Variants in ZFYVE28 observed in about 807,000 individuals in gnomAD.
ZFYVE28 encodes the protein zinc finger FYVE-type containing 28.
A neutral mutation model predicts 82.1 loss-of-function variants in ZFYVE28; 40 were observed. That is an observed-to-expected ratio of 0.49 (90% CI 0.38 to 0.63). The LOEUF is 0.63. Ranked by LOEUF, ZFYVE28 falls within the 30% of genes least tolerant of loss-of-function variation. The pLI, the probability that ZFYVE28 is intolerant of heterozygous loss-of-function variation, is 0.00. For synonymous variants in ZFYVE28, 612 were observed against 546.1 expected, an observed-to-expected ratio of 1.12 and a Z score of -1.68; for missense variants, 1,321 against 1,242.1, an observed-to-expected ratio of 1.06 and a Z score of -0.96.
intron 8 of ZFYVE28, among the ~76,000 whole-genome samples, chr4:2,296,069 G>T (rs1026979616): frequency 6.6e-6 from 1 of 152,208 alleles, no homozygotes; most frequent in East Asian, 1.9e-4. Flanking sequence ...AGGACATGTG[G>T]GGGACCTGCG....
At chr4:2,302,100 G>A (rs939817714) in intron 8 of ZFYVE28, among the ~76,000 whole-genome samples, 1 of 152,228 alleles carries the variant, frequency 6.6e-6, no homozygotes, top group Non-Finnish European at 1.5e-5. Context: ...AGGTGGGGGC[G>A]AGTGCTTGTA....
rs113758703 is a variant in ZFYVE28 at position 2,355,353 on chromosome 4, T to G, written c.40-1280A>C. Among the ~76,000 whole-genome samples, 61 of 135,884 alleles carry G rather than the reference T, an allele frequency of 4.5e-4. 3 individuals are homozygous for G. Among genetic ancestry groups the G allele is most frequent in the African/African-American group, 1.7e-3 (59 of 34,468 alleles). 89.1% of individuals were successfully genotyped at this position (135,884 alleles called of 152,430 possible). A position where few individuals can be genotyped will look rare whatever the true frequency, so the allele number is the denominator to read the frequency against. ...CTGGAGTGCAGTGGCGTGATCTTAG[T>G]TGACTGCAACCTCTGCCTCCTGGGT... On this transcript the variant is annotated intron_variant, in intron 1 of 12. Transcript: ENST00000290974.
At chr4:2,337,547 C>T (rs1278356743) in intron 4 of ZFYVE28, 51 bp from the exon 5 acceptor site, 2 of 1,477,518 alleles carry the variant, frequency 1.4e-6, no homozygotes, top group Non-Finnish European at 9.2e-7. Flanking sequence ...TGGCGGGGCC[C>T]CTCCAAAACA....
chr4:2,386,777 G>T (rs963976), intron 1 of ZFYVE28, among the ~76,000 whole-genome samples: 95,056 of 152,110 alleles, frequency 0.62, 30,552 homozygotes, highest in East Asian at 0.73. Flanking sequence ...CCAGTCTCAG[G>T]TATTTCATTA....
chr4:2,273,846 G>T (rs1029102756), intron 9 of ZFYVE28, among the ~76,000 whole-genome samples: 1 of 151,878 alleles, frequency 6.6e-6, no homozygotes, highest in African/African-American at 2.4e-5. Flanking sequence ...GGAGGAAAAC[G>T]CCTCCCACCC....
chr4:2,389,672 G>A (rs1314779614), intron 1 of ZFYVE28, among the ~76,000 whole-genome samples: 1 of 152,206 alleles, frequency 6.6e-6, no homozygotes, highest in East Asian at 1.9e-4. Context: ...CGGCTCCTCT[G>A]TCTTTCTCAG....
chr4:2,377,072 A>G (rs1728225101), intron 1 of ZFYVE28, among the ~76,000 whole-genome samples: 1 of 149,998 alleles, frequency 6.7e-6, no homozygotes, highest in South Asian at 2.1e-4. Flanking sequence ...CCCAGGCTGG[A>G]GTGCAGTGGC....
At chr4:2,379,880 C>T (rs1300875959) in intron 1 of ZFYVE28, among the ~76,000 whole-genome samples, 2 of 152,040 alleles carry the variant, frequency 1.3e-5, no homozygotes, top group East Asian at 1.9e-4. Flanking sequence ...TTCCATCTCC[C>T]GGGTTCAAGC....
chr4:2,339,659 C>T lies in ZFYVE28; in HGVS notation c.319-4G>A, dbSNP rs201053944. On this transcript the variant is annotated splice_region_variant and splice_polypyrimidine_tract_variant and intron_variant, in intron 3 of 12. Transcript: ENST00000290974. The surrounding 1 kb of genome is among the most constrained non-coding windows in gnomAD (Gnocchi z 5.0). The stretch of plus-strand genomic sequence containing the variant: ...TGATGGAGCCGGCGGCCAGGCACTG[C>T]GGGAGGGGACACACTCAGGGAGGGG... The T allele has an allele frequency of 2.6e-5, 42 of 1,589,246 alleles. No homozygotes were observed. Among genetic ancestry groups the T allele is most frequent in the South Asian group, 9.1e-5 (8 of 87,760 alleles).
At chr4:2,285,028 AAAGTT>A (rs1712510976) in intron 8 of ZFYVE28, among the ~76,000 whole-genome samples, 1 of 152,228 alleles carries the variant, frequency 6.6e-6, no homozygotes, top group African/African-American at 2.4e-5. Context: ...AGGTGTAACT[AAAGTT>A]AAGATAAGGT....
At chr4:2,288,622 C>G (rs1713129209) in intron 8 of ZFYVE28, among the ~76,000 whole-genome samples, 1 of 152,246 alleles carries the variant, frequency 6.6e-6, no homozygotes, top group East Asian at 1.9e-4. Flanking sequence ...TTGGGCATCA[C>G]CACCTCTGCC....
At chr4:2,363,469 T>TG (rs1291015241) in intron 1 of ZFYVE28, among the ~76,000 whole-genome samples, 1 of 145,866 alleles carries the variant, frequency 6.9e-6, no homozygotes, top group Non-Finnish European at 1.5e-5. Flanking sequence ...AGCTTTGCCC[T>TG]GGGGGTCACG....
Position 2,391,455 on chromosome 4 carries a change from C to CTTTT in ZFYVE28, c.39+26826_39+26829dup, listed in dbSNP as rs140103966. On this transcript the variant is annotated intron_variant, in intron 1 of 12. Transcript: ENST00000290974. Reference sequence around the variant, plus strand: ...AGCTAGCACTTAGGAGGTCAATTATCTTTTTTTTTTTTTTTTTTTTTACTG... The same window carrying CTTTT: ...AGCTAGCACTTAGGAGGTCAATTATCTTTTTTTTTTTTTTTTTTTTTTTTTACTG... 7.6e-4 allele frequency among the ~76,000 whole-genome samples: 89 copies of CTTTT among 117,158 alleles called. 2 individuals carry two copies. The highest frequency in any genetic ancestry group is 4.9e-3 in the Middle Eastern group (1 of 206). 76.9% of individuals were successfully genotyped at this position (117,158 alleles called of 152,430 possible).
intron 2 of ZFYVE28, among the ~76,000 whole-genome samples, chr4:2,352,517 G>C (rs774032437): frequency 6.6e-6 from 1 of 151,654 alleles, no homozygotes; most frequent in Admixed American, 6.6e-5. Context: ...ACAGAAGTGA[G>C]CCCGAATCAG....
At chr4:2,403,073 C>G (rs1168014396) in intron 1 of ZFYVE28, among the ~76,000 whole-genome samples, 1 of 152,256 alleles carries the variant, frequency 6.6e-6, no homozygotes, top group African/African-American at 2.4e-5. Context: ...GCAGGGCACA[C>G]AGAACAATAC....
rs553273004 is a variant in ZFYVE28, at chr4:2,271,370, C to T, written c.2473G>A (p.Ala825Thr). ...ATGACGGTGAAGGGTGCTTTGCACG[C>T]CGTGCAGAAGCCACAGGCCTCGTCT... ...VPDEACGFCT[A>T]CKAPFTVIRR... Residue 825 changes from alanine (A) to threonine (T), a missense_variant, in exon 12 of 13, where the codon GCG becomes ACG. Ala to Thr is a moderately conservative substitution (Grantham distance 58). Coordinates refer to ENST00000290974, the MANE Select transcript of ZFYVE28 (RefSeq NM_020972.3). 1.9e-6 allele frequency: 3 copies of T among 1,612,706 alleles called. No homozygotes were observed. In the South Asian group the frequency reaches 3.3e-5, roughly 18 times the overall value.
chr4:2,323,868 T>C (rs1195124717), intron 6 of ZFYVE28, among the ~76,000 whole-genome samples: 6 of 152,134 alleles, frequency 3.9e-5, no homozygotes, highest in Non-Finnish European at 5.9e-5. Flanking sequence ...ACAAAGGACA[T>C]GAACTCATCA....
chr4:2,373,998 C>T (rs1727848766), intron 1 of ZFYVE28, among the ~76,000 whole-genome samples: 1 of 152,186 alleles, frequency 6.6e-6, no homozygotes, highest in Non-Finnish European at 1.5e-5. Flanking sequence ...CTCATCCCAG[C>T]CAGTCCTGAC....
chr4:2,414,949 A>G (rs1732878371), intron 1 of ZFYVE28, among the ~76,000 whole-genome samples: 1 of 152,264 alleles, frequency 6.6e-6, no homozygotes, highest in African/African-American at 2.4e-5. Flanking sequence ...TTTCACCAAC[A>G]TCAATAAAGC....
Sources: gnomAD v4.1 joint callset for allele counts (sites outside exome capture counted in the v4.1 genomes callset) on GRCh38, gnomAD v4.1.1 for gene constraint, Gnocchi (gnomAD v3.1) non-coding constraint, MANE v1.5 for transcripts, NCBI Gene and HGNC (gene_info 2026-07-23, HGNC 2026-07-21) for gene names.